Variants in MYO1C observed in about 807,000 individuals in gnomAD.
MYO1C encodes myosin IC.
In MYO1C, 104 loss-of-function variants were observed where a neutral mutation model predicts 150.8. The observed-to-expected ratio is 0.69, with a 90% CI of 0.59 to 0.81. The LOEUF (loss-of-function observed/expected upper bound fraction) is 0.81. Among genes scored for constraint, MYO1C ranks in the 30% least tolerant of loss-of-function variants. MYO1C has a pLI of 0.00. For synonymous variants in MYO1C, 663 were observed against 579.9 expected, an observed-to-expected ratio of 1.14 and a Z score of -2.06; for missense variants, 1,504 against 1,435.0, an observed-to-expected ratio of 1.05 and a Z score of -0.78.
In MYO1C at chr17:1,466,153, CTTTTTTTT is replaced by C. The variant is rs71148490; in HGVS notation, c.3166-409_3166-402del. Among the ~76,000 whole-genome samples, 4 of 91,598 alleles carry C rather than the reference CTTTTTTTT, an allele frequency of 4.4e-5. No individual in the cohort carries two copies. In the East Asian group the frequency reaches 1.1e-3, roughly 26 times the overall value. The allele number at this position is 91,598 out of a possible 152,430, so 60.1% of individuals were successfully genotyped here. On this transcript the variant is annotated intron_variant, in intron 31 of 31. Transcript: ENST00000648651. The stretch of plus-strand genomic sequence containing the variant: ...TATCTTCCCTGCATTGCCGTGCTGC[CTTTTTTTT>C]TTTTTTTTTTTTTTTGAGACAGGGT...
chr17:1,471,195 G>C (rs766810052), intron 20 of MYO1C, 28 bp downstream of exon 20: 3 of 1,613,350 alleles, frequency 1.9e-6, no homozygotes, highest in Admixed American at 1.7e-5. Flanking sequence ...CCCATTCCCC[G>C]CAGGCACCCG....
chr17:1,479,494 G>T lies in MYO1C; in HGVS notation c.1029C>A (p.Ser343Arg). The change falls in exon 9 of 32, where the codon AGC becomes AGA. Residue 343 changes from serine to arginine, a missense_variant. Ser to Arg is a moderately radical substitution (Grantham distance 110). Coordinates refer to ENST00000648651, the MANE Select transcript of MYO1C (RefSeq NM_001080779.2). This position sits in a 1 kb window ranked among gnomAD's most constrained non-coding sequence, Gnocchi z 4.2. The part of the protein sequence containing the change: ...NQLKYLTRLL[S>R]VEGSTLREAL... ...CTTCTCGCAGCGTCGAGCCTTCCACGCTGAGGAGCTGCCAAGGGCAGGCGA... is the reference window on the plus strand; with the variant it reads ...CTTCTCGCAGCGTCGAGCCTTCCACTCTGAGGAGCTGCCAAGGGCAGGCGA... 2 of 1,518,218 alleles carry T rather than the reference G, an allele frequency of 1.3e-6. No individual in the cohort carries two copies. The highest frequency in any genetic ancestry group is 1.8e-6 in the Non-Finnish European group (2 of 1,116,710). The allele number at this position is 1,518,218 out of a possible 1,614,324, so 94.0% of individuals were successfully genotyped here.
chr17:1,485,189 TCGCCCCA>T, intron 1 of MYO1C: 1 of 1,185,744 alleles, frequency 8.4e-7, no homozygotes, highest in Non-Finnish European at 1.1e-6. Context: ...AGCAAGACCC[TCGCCCCA>T]CAACCAGGGC....
intron 1 of MYO1C, chr17:1,484,956 C>T (rs1279180015): frequency 2.2e-6 from 1 of 464,160 alleles, no homozygotes; most frequent in Admixed American, 2.5e-5. Flanking sequence ...CAGAGGGGTT[C>T]CCCCAGAGGG....
Position 1,471,976 on chromosome 17 carries a change from AG to A in MYO1C, c.1951del (p.Leu651CysfsTer107). On this transcript the variant is annotated frameshift_variant, in exon 19 of 32. Coordinates refer to ENST00000648651, the MANE Select transcript of MYO1C (RefSeq NM_001080779.2). LOFTEE classifies it high-confidence loss of function. ...TCTGCGCACGCGCAGGTTTTCCAAC[AG>A]CCCCAGGTACTTCACCTGGTGGCGG... ...LIRHQVKYLG[L>X]LENLRVRRAG... 1 of 1,614,084 alleles carries A rather than the reference AG, an allele frequency of 6.2e-7. No homozygotes were observed. The highest frequency in any genetic ancestry group is 2.2e-5 in the East Asian group (1 of 44,878).
intron 25 of MYO1C, chr17:1,469,326 G>A (rs1002632270): frequency 1.6e-6 from 1 of 619,672 alleles, no homozygotes; most frequent in East Asian, 2.8e-5. Flanking sequence ...AGTAGACCGA[G>A]ATAAATACGG....
In MYO1C at chr17:1,470,078, C is replaced by G. The variant is rs376783541; in HGVS notation, c.2526+97G>C. 5 of 1,318,942 alleles carry G rather than the reference C, an allele frequency of 3.8e-6. No homozygotes were observed. The East Asian group carries it at 9.7e-5, about 25-fold the overall frequency. 81.7% of individuals were successfully genotyped at this position (1,318,942 alleles called of 1,614,324 possible). A position where few individuals can be genotyped will look rare whatever the true frequency, so the allele number is the denominator to read the frequency against. On this transcript the variant is annotated intron_variant, in intron 24 of 31. Transcript: ENST00000648651. Reference sequence around the variant, plus strand: ...CTGCTCAGCTCTGGTCCGGGCCCTCCGTGAGCCCTCCCTGACCAATCCTTT... The same window carrying G: ...CTGCTCAGCTCTGGTCCGGGCCCTCGGTGAGCCCTCCCTGACCAATCCTTT...
intron 7 of MYO1C, 21 bp downstream of exon 7, chr17:1,480,506 G>A (rs770699725): frequency 8.8e-6 from 14 of 1,595,726 alleles, no homozygotes; most frequent in South Asian, 3.3e-5. Context: ...AGGAAAGCGA[G>A]GGTCCCGGAA....
chr17:1,492,001 T>G (rs1249846816), intron 1 of MYO1C: 3 of 228,344 alleles, frequency 1.3e-5, no homozygotes, highest in African/African-American at 6.8e-5. Context: ...CCCGTGACCC[T>G]TCACCCACCT....
intron 1 of MYO1C, chr17:1,492,167 C>T (rs2074742672): frequency 1.8e-6 from 1 of 555,466 alleles, no homozygotes; most frequent in Non-Finnish European, 3.3e-6. Flanking sequence ...ACGGTTCTGC[C>T]CACTGAGGTT....
Position 1,481,118 on chromosome 17 carries a change from A to G in MYO1C, c.628-233T>C, listed in dbSNP as rs1302725425. 8 of 567,688 alleles carry G rather than the reference A, an allele frequency of 1.4e-5. No homozygotes were observed. In the East Asian group the frequency reaches 2.4e-4, roughly 17 times the overall value. The allele number at this position is 567,688 out of a possible 1,614,324, so 35.2% of individuals were successfully genotyped here. On this transcript the variant is annotated intron_variant, in intron 5 of 31. Transcript: ENST00000648651. ...TGGCTGCTCCACCTGGATGCCTGAC[A>G]GGTATCGCAAATTCAACAGGCCTGA...
Position 1,478,452 on chromosome 17 carries a change from C to T in MYO1C, c.1253G>A (p.Gly418Glu), listed in dbSNP as rs1399861403. 6.2e-7 allele frequency: 1 copy of T among 1,614,052 alleles called. No individual in the cohort carries two copies. Among genetic ancestry groups the T allele is most frequent in the Non-Finnish European group, 8.5e-7 (1 of 1,180,042 alleles). Residue 418 changes from glycine to glutamate, a missense_variant, in exon 11 of 32, where the codon GGG (glycine) becomes GAG (glutamate). Transcript: ENST00000648651. The surrounding 1 kb of genome is among the most constrained non-coding windows in gnomAD (Gnocchi z 6.3). ...SPSWRSTTVL[G>E]LLDIYGFEVF... is the part of the protein sequence containing the mutation. ...TTCAAAGCCATAAATATCCAGGAGC[C>T]CGAGAACCGTGGTGCTCCGCCAGCT...
intron 3 of MYO1C, 72 bp downstream of exon 3, chr17:1,483,538 A>C: frequency 9.4e-7 from 1 of 1,066,938 alleles, no homozygotes; most frequent in Non-Finnish European, 1.4e-6. Context: ...TTTCAGAGTA[A>C]GGTAAGGGTT....
chr17:1,479,991 C>T lies in MYO1C; in HGVS notation c.907-286G>A, dbSNP rs903856976. On this transcript the variant is annotated intron_variant, in intron 7 of 31. Transcript: ENST00000648651. The surrounding 1 kb of genome is among the most constrained non-coding windows in gnomAD (Gnocchi z 4.2). ...CAAAACCCCATCATTATTAAAAATA[C>T]AAAAATTAGCCAGGTGTGGTGGCAG... is the stretch of plus-strand genomic sequence containing the variant. Among the ~76,000 whole-genome samples the T allele has an allele frequency of 9.9e-5, 15 of 151,474 alleles. No individual in the cohort carries two copies. Among genetic ancestry groups the T allele is most frequent in the African/African-American group, 3.4e-4 (14 of 41,244 alleles).
intron 31 of MYO1C, among the ~76,000 whole-genome samples, chr17:1,466,998 T>C (rs2074186087): frequency 6.6e-6 from 1 of 152,156 alleles, no homozygotes; most frequent in Non-Finnish European, 1.5e-5. Context: ...CCTCTGGTGA[T>C]CCACCCGCCT....
At chr17:1,483,562 T>G (rs900153104) in intron 3 of MYO1C, 48 bp downstream of exon 3, 1 of 1,422,100 alleles carries the variant, frequency 7.0e-7, no homozygotes, top group Non-Finnish European at 9.8e-7. Context: ...CGGGGTCACC[T>G]CAGATGGAGA....
In MYO1C at chr17:1,479,625, GACCTGGGCATTGCTC is replaced by G; in HGVS notation, c.972_986del (p.Glu324_Val329delinsAsp). 1.2e-6 allele frequency: 2 copies of G among 1,603,806 alleles called. No individual in the cohort carries two copies. The highest frequency in any genetic ancestry group is 1.7e-6 in the Non-Finnish European group (2 of 1,176,052). ...GATACTTGAGCTGGTTCTCGGTGGT[GACCTGGGCATTGCTC>G]TCCTCGTTGGCAGCAAAGTGGATGT... On this transcript the variant is annotated inframe_deletion, in exon 8 of 32. Coordinates refer to ENST00000648651, the MANE Select transcript of MYO1C (RefSeq NM_001080779.2). This position sits in a 1 kb window ranked among gnomAD's most constrained non-coding sequence, Gnocchi z 4.2.
At position 1,477,559 on chromosome 17, in the gene MYO1C, A is replaced by G. The variant is rs1316350853; in HGVS notation, c.1520T>C (p.Leu507Pro). 1.1e-5 allele frequency: 17 copies of G among 1,613,456 alleles called. No homozygotes were observed. Among genetic ancestry groups the G allele is most frequent in the Non-Finnish European group, 1.4e-5 (16 of 1,179,992 alleles). Residue 507 changes from leucine (L) to proline (P), a missense_variant, in exon 14 of 32, where the codon CTG (leucine) becomes CCG (proline). Physicochemically the swap from Leu to Pro is moderately conservative, Grantham distance 98. Transcript: ENST00000648651. ...ATCCTCCAGCTTCTCCAGGAAGGTC[A>G]GGTCTGTGGCCTCCCCGGGGCGCAG... ...ECLRPGEATDLTFLEKLEDTV... is the reference protein window; with the variant it reads ...ECLRPGEATDPTFLEKLEDTV...
intron 14 of MYO1C, 26 bp from the exon 15 acceptor site, chr17:1,475,058 A>G (rs1350041088): frequency 6.5e-7 from 1 of 1,549,200 alleles, no homozygotes; most frequent in South Asian, 1.2e-5. Context: ...AGGAAGCTGC[A>G]GATGGCTGCC....
Sources: gnomAD v4.1 joint callset for allele counts (sites outside exome capture counted in the v4.1 genomes callset) on GRCh38, gnomAD v4.1.1 for gene constraint, Gnocchi (gnomAD v3.1) non-coding constraint, MANE v1.5 for transcripts, NCBI Gene and HGNC (gene_info 2026-07-23, HGNC 2026-07-21) for gene names.